PTPN11: variants seen among roughly 807,000 people sequenced by gnomAD.
The protein encoded by PTPN11 is tyrosine-protein phosphatase non-receptor type 11.
Under a neutral mutation model 78.8 loss-of-function variants are expected in PTPN11, and 6 were observed. The ratio of observed to expected loss-of-function variants is 0.08; its 90% CI spans 0.04 to 0.15. The LOEUF (loss-of-function observed/expected upper bound fraction) is 0.15, where lower values mean the gene tolerates loss of function less well. PTPN11 is among the 10% of genes least tolerant of loss of function. The probability of loss-of-function intolerance (pLI) is 1.00; values close to 1 mark genes in which losing one functional copy is unlikely to be tolerated. For missense variants in PTPN11, 386 were observed against 744.8 expected, an observed-to-expected ratio of 0.52 and a Z score of 5.61; for synonymous variants, 221 against 263.5, an observed-to-expected ratio of 0.84 and a Z score of 1.56.
chr12:112,490,218 A>G (rs2038729529), intron 13 of PTPN11, among the ~76,000 whole-genome samples: 1 of 152,190 alleles, frequency 6.6e-6, no homozygotes, highest in African/African-American at 2.4e-5. Flanking sequence ...TAGTTAGGCA[A>G]AAAGTTGCCC....
chr12:112,454,499 T>C, intron 4 of PTPN11, 65 bp from the exon 5 acceptor site: 2 of 1,164,016 alleles, frequency 1.7e-6, no homozygotes, highest in Non-Finnish European at 2.6e-6. Context: ...AACATGAGAG[T>C]GCTTGAAAAC....
intron 1 of PTPN11, among the ~76,000 whole-genome samples, chr12:112,435,386 G>A (rs935285118): frequency 2.0e-5 from 3 of 152,146 alleles, no homozygotes; most frequent in African/African-American, 7.2e-5. Flanking sequence ...CAGGGGTGAG[G>A]TCAAGGACAA....
At chr12:112,486,838 C>T (rs1157489272) in intron 11 of PTPN11, 8 of 1,437,622 alleles carry the variant, frequency 5.6e-6, no homozygotes, top group African/African-American at 1.4e-5. Context: ...ATGGCCATGG[C>T]AACATGCTCA....
chr12:112,441,081 C>G (rs1287592258), intron 1 of PTPN11, among the ~76,000 whole-genome samples: 1 of 151,070 alleles, frequency 6.6e-6, no homozygotes, highest in Non-Finnish European at 1.5e-5. Context: ...TCTTCTGCCT[C>G]AGCCTCCTGA....
rs775512160 is a variant in PTPN11 at position 112,453,398 on chromosome 12, A to G, written c.525+11A>G. ...ATGATTCGCTGTCAGGTAAATCTCC[A>G]GTTGAAAAATGGGTCTGGCAAGATG... On this transcript the variant is annotated intron_variant, in intron 4 of 15. Transcript: ENST00000351677. The G allele has an allele frequency of 1.2e-6, 2 of 1,613,764 alleles. No homozygotes were observed. Among genetic ancestry groups the G allele is most frequent in the East Asian group, 4.5e-5 (2 of 44,874 alleles).
chr12:112,452,236 TA>T (rs961286062), intron 3 of PTPN11, among the ~76,000 whole-genome samples: 2 of 152,016 alleles, frequency 1.3e-5, no homozygotes, highest in East Asian at 3.9e-4. Flanking sequence ...ATTATTTATT[TA>T]TTTTTTTTGA....
chr12:112,486,461 T>C lies in PTPN11; in HGVS notation c.1225-14T>C. ...TATTTAATTCTTTTCTGGTTTTTCT[T>C]GGCTCTACTCCAGGGGAATACGGAG... On this transcript the variant is annotated splice_polypyrimidine_tract_variant and intron_variant, in intron 10 of 15. Coordinates refer to ENST00000351677, the MANE Select transcript of PTPN11 (RefSeq NM_002834.5). The C allele has an allele frequency of 6.2e-7, 1 of 1,610,622 alleles. No homozygotes were observed. Among genetic ancestry groups the C allele is most frequent in the Non-Finnish European group, 8.5e-7 (1 of 1,176,790 alleles).
intron 5 of PTPN11, among the ~76,000 whole-genome samples, chr12:112,455,256 G>A (rs1307239321): frequency 5.1e-5 from 6 of 116,738 alleles, no homozygotes; most frequent in East Asian, 2.5e-4. Context: ...TTTTTTTTGA[G>A]ATGGAGTTTT....
chr12:112,483,144 GA>G, intron 10 of PTPN11, among the ~76,000 whole-genome samples: 1 of 149,204 alleles, frequency 6.7e-6, no homozygotes, highest in Non-Finnish European at 1.5e-5. Flanking sequence ...GGGCTAGAAA[GA>G]AAAAATGCAG....
intron 6 of PTPN11, among the ~76,000 whole-genome samples, chr12:112,468,309 A>C (rs1010535881): frequency 5.9e-5 from 9 of 152,094 alleles, no homozygotes; most frequent in African/African-American, 2.2e-4. Context: ...CCTGACAGGA[A>C]TGTATTCTCC....
At chr12:112,462,445 G>T (rs938317549) in intron 6 of PTPN11, among the ~76,000 whole-genome samples, 2 of 151,814 alleles carry the variant, frequency 1.3e-5, no homozygotes, top group Non-Finnish European at 2.9e-5. Context: ...TGGGTATATG[G>T]TTAGTTTATT....
chr12:112,500,149 G>T (rs949326230), intron 13 of PTPN11, among the ~76,000 whole-genome samples: 9 of 151,826 alleles, frequency 5.9e-5, no homozygotes, highest in African/African-American at 2.2e-4. Flanking sequence ...GAGGCTGAGG[G>T]AGAGAATTGC....
At chr12:112,465,840 A>G (rs1476904496) in intron 6 of PTPN11, among the ~76,000 whole-genome samples, 1 of 152,222 alleles carries the variant, frequency 6.6e-6, no homozygotes, top group African/African-American at 2.4e-5. Flanking sequence ...ATGTGGAACA[A>G]AAGTGTCTGC....
In PTPN11 at chr12:112,467,236, TCTG is replaced by T. The variant is rs2038343526; in HGVS notation, c.757-5707_757-5705del. Reference sequence around the variant, plus strand: ...ACAACATGGATCAGGACATTGACTTTCTGTGGATACCTTTTAATAGTTTATTAG... The same window carrying T: ...ACAACATGGATCAGGACATTGACTTTTGGATACCTTTTAATAGTTTATTAG... On this transcript the variant is annotated intron_variant, in intron 6 of 15. Coordinates refer to ENST00000351677, the MANE Select transcript of PTPN11 (RefSeq NM_002834.5). Among the ~76,000 whole-genome samples the T allele has an allele frequency of 2.0e-5, 3 of 152,314 alleles. No homozygotes were observed. In the South Asian group the frequency reaches 6.2e-4, roughly 32 times the overall value.
In PTPN11 at chr12:112,504,893, C is replaced by G. The variant is rs1442864754; in HGVS notation, c.*32+97C>G. On this transcript the variant is annotated intron_variant, in intron 15 of 15. Transcript: ENST00000351677. The surrounding 1 kb of genome is among the most constrained non-coding windows in gnomAD (Gnocchi z 4.7). ...TTGGGAATGTTTTAGCAAAGTGTAC[C>G]ATAATTGAGTTTTACAAACCAGGCT... 5.1e-6 allele frequency: 4 copies of G among 779,972 alleles called. No individual in the cohort carries two copies. Among genetic ancestry groups the G allele is most frequent in the Non-Finnish European group, 8.6e-6 (4 of 466,524 alleles). The allele number at this position is 779,972 out of a possible 1,614,324, so 48.3% of individuals were successfully genotyped here.
intron 10 of PTPN11, among the ~76,000 whole-genome samples, chr12:112,483,075 C>T (rs1290219055): frequency 6.6e-6 from 1 of 151,980 alleles, no homozygotes; most frequent in East Asian, 1.9e-4. Context: ...ACTATACTGG[C>T]CAGTAATCTA....
intron 1 of PTPN11, among the ~76,000 whole-genome samples, chr12:112,425,698 G>A (rs961005657): frequency 7.2e-5 from 11 of 151,988 alleles, no homozygotes; most frequent in Admixed American, 3.9e-4. Context: ...CTCCCACCCT[G>A]AAATTAGACT....
intron 1 of PTPN11, among the ~76,000 whole-genome samples, chr12:112,441,954 T>A (rs1478057209): frequency 6.6e-6 from 1 of 151,912 alleles, no homozygotes; most frequent in African/African-American, 2.4e-5. Context: ...TTTTTTTGCA[T>A]TTTTAGTAGA....
At chr12:112,467,825 G>C (rs1440158941) in intron 6 of PTPN11, among the ~76,000 whole-genome samples, 1 of 152,048 alleles carries the variant, frequency 6.6e-6, no homozygotes. Flanking sequence ...CAGATTGCAC[G>C]TGAACTTAGA....
Sources: gnomAD v4.1 joint callset for allele counts (sites outside exome capture counted in the v4.1 genomes callset) on GRCh38, gnomAD v4.1.1 for gene constraint, Gnocchi (gnomAD v3.1) non-coding constraint, MANE v1.5 for transcripts, NCBI Gene and HGNC (gene_info 2026-07-23, HGNC 2026-07-21) for gene names.